The following FOXP2 variants were observed in gnomAD, a reference collection of about 807,000 sequenced individuals.
FOXP2 encodes forkhead box protein P2.
A neutral mutation model predicts 115.8 loss-of-function variants in FOXP2; 12 were observed. The observed-to-expected ratio is 0.10, with a 90% CI of 0.07 to 0.17. The LOEUF is 0.17. FOXP2 is among the 10% of genes least tolerant of loss of function. The pLI, the probability that FOXP2 is intolerant of heterozygous loss-of-function variation, is 1.00. For missense variants in FOXP2, 629 were observed against 843.5 expected, an observed-to-expected ratio of 0.75 and a Z score of 3.15; for synonymous variants, 328 against 297.7, an observed-to-expected ratio of 1.10 and a Z score of -1.05.
At chr7:114,123,379 A>G (rs2129144075) in intron 1 of FOXP2, among the ~76,000 whole-genome samples, 1 of 151,578 alleles carries the variant, frequency 6.6e-6, no homozygotes, top group South Asian at 2.1e-4. Flanking sequence ...AAAGAAAGAA[A>G]GAAAAGCAAC....
At chr7:114,271,685 T>C (rs547805921) in intron 1 of FOXP2, among the ~76,000 whole-genome samples, 3 of 113,834 alleles carry the variant, frequency 2.6e-5, no homozygotes, top group African/African-American at 1.1e-4. Flanking sequence ...AAAATTATAT[T>C]TAATAATATA....
At chr7:114,604,569 C>G (rs1411228212) in intron 3 of FOXP2, among the ~76,000 whole-genome samples, 2 of 152,082 alleles carry the variant, frequency 1.3e-5, no homozygotes, top group Non-Finnish European at 2.9e-5. Flanking sequence ...AAATAACTTT[C>G]TATACGTTGG....
intron 1 of FOXP2, among the ~76,000 whole-genome samples, chr7:114,233,708 T>C (rs1208590965): frequency 6.6e-6 from 1 of 152,180 alleles, no homozygotes; most frequent in Non-Finnish European, 1.5e-5. Flanking sequence ...ACTGTAGTAA[T>C]ATGATGAATA....
intron 2 of FOXP2, among the ~76,000 whole-genome samples, chr7:114,439,121 T>A (rs1425317223): frequency 3.3e-5 from 5 of 152,216 alleles, no homozygotes; most frequent in Admixed American, 2.6e-4. Context: ...AGATCCATTC[T>A]CTTGTCATAT....
At position 114,400,540 on chromosome 7, in the gene FOXP2, C is replaced by A. The variant is rs185298418; in HGVS notation, c.-10-25962C>A. On this transcript the variant is annotated intron_variant, in intron 2 of 17. Transcript: ENST00000634411. ...GGATCACTGTGATGGGTATAGGCAG[C>A]GGTCCCCAATCTTTTTGGCACCAGA... Among the ~76,000 whole-genome samples the A allele has an allele frequency of 2.2e-3, 335 of 152,202 alleles. 1 individual carries two copies. Among genetic ancestry groups the A allele is most frequent in the African/African-American group, 7.7e-3 (318 of 41,510 alleles).
chr7:114,366,403 C>T (rs1431733919), intron 2 of FOXP2: 1 of 152,048 alleles, frequency 6.6e-6, no homozygotes, highest in Non-Finnish European at 1.5e-5. Flanking sequence ...GCACATTTTG[C>T]CTTTGTTTTT....
At chr7:114,527,421 T>C (rs1266767288) in intron 2 of FOXP2, among the ~76,000 whole-genome samples, 1 of 152,096 alleles carries the variant, frequency 6.6e-6, no homozygotes, top group Non-Finnish European at 1.5e-5. Context: ...ATTCATTGTC[T>C]TCCTTTTCAC....
chr7:114,376,716 G>A (rs1475281287), intron 2 of FOXP2, among the ~76,000 whole-genome samples: 2 of 152,172 alleles, frequency 1.3e-5, no homozygotes, highest in African/African-American at 4.8e-5. Flanking sequence ...ATTCCATTCG[G>A]AACTAACACT....
At chr7:114,538,786 T>C (rs1048145353) in intron 3 of FOXP2, among the ~76,000 whole-genome samples, 4 of 151,868 alleles carry the variant, frequency 2.6e-5, no homozygotes, top group African/African-American at 9.7e-5. Flanking sequence ...GTAAGGATTA[T>C]GTTTTTGTTT....
chr7:114,095,009 A>C (rs1799614020), intron 1 of FOXP2, among the ~76,000 whole-genome samples: 1 of 152,152 alleles, frequency 6.6e-6, no homozygotes, highest in Non-Finnish European at 1.5e-5. Flanking sequence ...GCGAGTAGGA[A>C]ATTTTACATT....
chr7:114,546,524 T>A (rs1221048637), intron 3 of FOXP2, among the ~76,000 whole-genome samples: 2 of 152,238 alleles, frequency 1.3e-5, no homozygotes, highest in Admixed American at 1.3e-4. Context: ...TTGCAGGGCA[T>A]CATTAACTAT....
chr7:114,241,746 A>AT (rs34087660), intron 1 of FOXP2, among the ~76,000 whole-genome samples: 97,726 of 148,880 alleles, frequency 0.66, 32,416 homozygotes, highest in Middle Eastern at 0.82. Flanking sequence ...GAAGCCACGT[A>AT]TTTTTTTTTT....
chr7:114,442,702 TC>T (rs1468921222), intron 2 of FOXP2, among the ~76,000 whole-genome samples: 2 of 152,110 alleles, frequency 1.3e-5, no homozygotes, highest in Non-Finnish European at 2.9e-5. Flanking sequence ...GATCCACCTG[TC>T]TGGACCTCTG....
Position 114,692,307 on chromosome 7 carries a change from C to CAT in FOXP2, c.*2385_*2386dup, listed in dbSNP as rs1001673113. 2.2e-5 allele frequency: 10 copies of CAT among 453,926 alleles called. No homozygotes were observed. In the Admixed American group the frequency reaches 2.4e-4, roughly 11 times the overall value. 28.1% of individuals were successfully genotyped at this position (453,926 alleles called of 1,614,324 possible). The stretch of plus-strand genomic sequence containing the variant: ...GAAAGGAAGTCTCAGCCACAGAATG[C>CAT]ATATACCTGTAGAGTTTTGCATGGG... On this transcript the variant is annotated 3_prime_UTR_variant, in exon 17 of 17. Transcript: ENST00000350908.
intron 2 of FOXP2, among the ~76,000 whole-genome samples, chr7:114,363,613 T>C (rs575686973): frequency 6.6e-6 from 1 of 152,276 alleles, no homozygotes; most frequent in African/African-American, 2.4e-5. Context: ...GCTAAATAAA[T>C]TCTCTTTAGA....
intron 3 of FOXP2, 128 bp downstream of exon 3, chr7:114,534,834 T>C: frequency 1.4e-6 from 1 of 724,688 alleles, no homozygotes; most frequent in South Asian, 1.6e-5. Context: ...TTTTAATTCA[T>C]AAAGAGAATT....
chr7:114,550,324 G>T (rs1386723693), intron 3 of FOXP2, among the ~76,000 whole-genome samples: 1 of 151,906 alleles, frequency 6.6e-6, no homozygotes, highest in Non-Finnish European at 1.5e-5. Flanking sequence ...CACCGTGTTA[G>T]CCAGGATGGT....
chr7:114,216,441 C>T (rs1794486704), intron 1 of FOXP2, among the ~76,000 whole-genome samples: 1 of 152,060 alleles, frequency 6.6e-6, no homozygotes, highest in Non-Finnish European at 1.5e-5. Context: ...ACAGTGGAAG[C>T]TTGTGCAGCG....
intron 1 of FOXP2, among the ~76,000 whole-genome samples, chr7:114,272,321 G>A (rs1796085042): frequency 6.6e-6 from 1 of 151,458 alleles, no homozygotes; most frequent in Admixed American, 6.6e-5. Flanking sequence ...TTGTGTTCCT[G>A]AGAGAGATTA....
Sources: allele counts gnomAD v4.1 joint callset (sites outside exome capture counted in the v4.1 genomes callset), GRCh38; gene constraint gnomAD v4.1.1; transcripts MANE v1.5; gene names NCBI Gene and HGNC (gene_info 2026-07-23, HGNC 2026-07-21).